WWOX: variants seen among roughly 807,000 people sequenced by gnomAD.
WWOX encodes the protein WW domain containing oxidoreductase.
In WWOX, 69 loss-of-function variants were observed where a neutral mutation model predicts 46.2. The observed-to-expected ratio is 1.49, with a 90% CI of 1.23 to 1.82. The LOEUF (loss-of-function observed/expected upper bound fraction) is 1.82, where lower values mean the gene tolerates loss of function less well. WWOX is among the 40% of genes most tolerant of loss of function. The probability of loss-of-function intolerance (pLI) is 0.00; values close to 1 mark genes in which losing one functional copy is unlikely to be tolerated. For synonymous variants in WWOX, 359 were observed against 202.6 expected (o/e 1.77, Z -6.56); for missense variants, 919 against 542.6 (o/e 1.69, Z -6.89).
Position 78,587,089 on chromosome 16 carries a change from G to A in WWOX, c.1056+154337G>A, listed in dbSNP as rs146048547. 1.1e-4 allele frequency among the ~76,000 whole-genome samples: 16 copies of A among 151,602 alleles called. No homozygotes were observed. The East Asian group carries it at 2.7e-3, about 26-fold the overall frequency. The stretch of plus-strand genomic sequence containing the variant: ...TGCCCAGGCTGGAGTGCAGTGGCGT[G>A]ATCACAGCCCACTGTAGCCTTGACC... On this transcript the variant is annotated intron_variant, in intron 8 of 8. Transcript: ENST00000566780.
At chr16:78,746,680 C>T (rs2049354978) in intron 8 of WWOX, among the ~76,000 whole-genome samples, 1 of 151,880 alleles carries the variant, frequency 6.6e-6, no homozygotes, top group African/African-American at 2.4e-5. Context: ...TGTACTCCTG[C>T]ATTTTTCCCA....
At chr16:79,068,368 G>C (rs928474947) in intron 8 of WWOX, among the ~76,000 whole-genome samples, 2 of 152,138 alleles carry the variant, frequency 1.3e-5, no homozygotes, top group Non-Finnish European at 2.9e-5. Context: ...GAGTTGTTCA[G>C]TGGTAAGGTG....
chr16:78,427,180 G>T lies in WWOX; in HGVS notation c.791+2125G>T, dbSNP rs569875155. Among the ~76,000 whole-genome samples the T allele has an allele frequency of 1.1e-4, 17 of 152,174 alleles. No individual in the cohort carries two copies. The South Asian group carries it at 2.9e-3, about 26-fold the overall frequency. On this transcript the variant is annotated intron_variant, in intron 7 of 8. Transcript: ENST00000566780. ...ATATCTAATTACCTCCATCAACCTT[G>T]GCAGAATCTCTTCGTTGGAGTTAAG...
intron 1 of WWOX, chr16:78,100,216 C>A: frequency 8.6e-7 from 1 of 1,169,090 alleles, no homozygotes; most frequent in Non-Finnish European, 1.1e-6. Flanking sequence ...CAGCTCCCTC[C>A]TGCAGGCTCT....
intron 8 of WWOX, among the ~76,000 whole-genome samples, chr16:79,161,789 G>A (rs2050492280): frequency 6.6e-6 from 1 of 152,226 alleles, no homozygotes. Context: ...AAAGTGCTGG[G>A]ATTACAGACA....
intron 8 of WWOX, among the ~76,000 whole-genome samples, chr16:79,072,566 G>T (rs180685202): frequency 1.3e-4 from 20 of 152,304 alleles, no homozygotes; most frequent in African/African-American, 4.8e-4. Flanking sequence ...CTTTTCTGCA[G>T]TTGACGTTTT....
intron 8 of WWOX, among the ~76,000 whole-genome samples, chr16:79,169,984 T>C (rs2050668966): frequency 6.6e-6 from 1 of 152,176 alleles, no homozygotes; most frequent in Admixed American, 6.5e-5. Flanking sequence ...GGTGCTCTCC[T>C]GCAGGGCATT....
chr16:78,833,833 C>T (rs928748920), intron 8 of WWOX, among the ~76,000 whole-genome samples: 3 of 152,268 alleles, frequency 2.0e-5, no homozygotes, highest in Non-Finnish European at 2.9e-5. Flanking sequence ...GTGCAGGCTT[C>T]CAGCCAAGGT....
intron 8 of WWOX, among the ~76,000 whole-genome samples, chr16:78,700,689 C>G (rs918903137): frequency 6.6e-6 from 1 of 152,134 alleles, no homozygotes; most frequent in African/African-American, 2.4e-5. Context: ...CATTCCTGGG[C>G]CTGCAGTGAG....
intron 8 of WWOX, among the ~76,000 whole-genome samples, chr16:78,966,962 C>T (rs1304826165): frequency 1.3e-5 from 2 of 152,186 alleles, no homozygotes; most frequent in East Asian, 1.9e-4. Flanking sequence ...TTCGTAAATA[C>T]TGAGTTATTT....
At chr16:79,076,228 GTGACCACACACAGT>G (rs1203029500) in intron 8 of WWOX, among the ~76,000 whole-genome samples, 2 of 152,210 alleles carry the variant, frequency 1.3e-5, no homozygotes, top group Non-Finnish European at 2.9e-5. Context: ...TGGGTTATGT[GTGACCACACACAGT>G]GTCGTGTTTG....
At chr16:78,874,272 G>A (rs1043250676) in intron 8 of WWOX, among the ~76,000 whole-genome samples, 3 of 137,970 alleles carry the variant, frequency 2.2e-5, no homozygotes, top group African/African-American at 5.5e-5. Flanking sequence ...AAAAAAAAAA[G>A]CTTCCATTTG....
At chr16:78,894,958 C>A (rs73581210) in intron 8 of WWOX, among the ~76,000 whole-genome samples, 2 of 152,086 alleles carry the variant, frequency 1.3e-5, no homozygotes, top group African/African-American at 4.8e-5. Context: ...TGGATCCACC[C>A]AGGATCCACC....
intron 8 of WWOX, among the ~76,000 whole-genome samples, chr16:79,040,228 C>T (rs571762261): frequency 6.6e-6 from 1 of 151,554 alleles, no homozygotes; most frequent in Non-Finnish European, 1.5e-5. Context: ...CCTCAAAGAG[C>T]CAAGTCCCAC....
chr16:78,147,065 C>T (rs1214733033), intron 4 of WWOX, among the ~76,000 whole-genome samples: 1 of 151,924 alleles, frequency 6.6e-6, no homozygotes, highest in Non-Finnish European at 1.5e-5. Context: ...ACACACAAGC[C>T]ACTGTTAGAT....
intron 8 of WWOX, among the ~76,000 whole-genome samples, chr16:78,621,076 T>G (rs541964227): frequency 6.6e-6 from 1 of 152,294 alleles, no homozygotes; most frequent in South Asian, 2.1e-4. Flanking sequence ...CTTTCTCTTC[T>G]CCTGCTGCCA....
At chr16:78,374,489 T>A (rs1343175098) in intron 5 of WWOX, among the ~76,000 whole-genome samples, 1 of 151,456 alleles carries the variant, frequency 6.6e-6, no homozygotes, top group Non-Finnish European at 1.5e-5. Context: ...TCTTTTTGTG[T>A]TTATGGTGTT....
intron 5 of WWOX, among the ~76,000 whole-genome samples, chr16:78,260,635 T>G (rs2079206886): frequency 6.7e-6 from 1 of 149,864 alleles, no homozygotes. Context: ...ACCACTGCAC[T>G]CCAGCCTGGG....
chr16:78,518,123 G>C (rs2043276997), intron 8 of WWOX, among the ~76,000 whole-genome samples: 1 of 152,146 alleles, frequency 6.6e-6, no homozygotes, highest in Admixed American at 6.5e-5. Context: ...ATTTTCATAA[G>C]AGTCACATGA....
Sources: gnomAD v4.1 joint callset for allele counts (sites outside exome capture counted in the v4.1 genomes callset) on GRCh38, gnomAD v4.1.1 for gene constraint, MANE v1.5 for transcripts, NCBI Gene and HGNC (gene_info 2026-07-23, HGNC 2026-07-21) for gene names.